Variants in PAK3 observed in about 807,000 individuals in gnomAD.
The protein encoded by PAK3 is serine/threonine-protein kinase PAK 3.
In PAK3, 4 loss-of-function variants were observed where a neutral mutation model predicts 41.0. The ratio of observed to expected loss-of-function variants is 0.10; its 90% CI spans 0.05 to 0.22. The LOEUF is 0.22. Ranked by LOEUF, PAK3 falls within the 10% of genes least tolerant of loss-of-function variation. The pLI, the probability that PAK3 is intolerant of heterozygous loss-of-function variation, is 1.00. For missense variants in PAK3, 205 were observed against 409.9 expected, an observed-to-expected ratio of 0.50 and a Z score of 4.32; for synonymous variants, 146 against 139.6, an observed-to-expected ratio of 1.05 and a Z score of -0.32.
chrX:111,127,531 A>G (rs1464471847), intron 5 of PAK3, among the ~76,000 whole-genome samples: 1 of 111,442 alleles, frequency 9.0e-6, no homozygotes, highest in Non-Finnish European at 1.9e-5. Context: ...TTGGTGTTAG[A>G]GCAATTCAGG....
At chrX:111,018,468 T>A (rs2092123399) in intron 1 of PAK3, among the ~76,000 whole-genome samples, 1 of 110,776 alleles carries the variant, frequency 9.0e-6, no homozygotes, top group African/African-American at 3.3e-5. Context: ...GAAAAGGAAA[T>A]GAAGAAAACG....
intron 1 of PAK3, among the ~76,000 whole-genome samples, chrX:110,995,899 T>C (rs760829696): frequency 3.6e-5 from 4 of 111,702 alleles, no homozygotes; most frequent in African/African-American, 1.3e-4. Context: ...TTGCCCCAAC[T>C]TCCCCATGTT....
At chrX:111,178,976 T>TAGAGAG (rs199904867) in intron 11 of PAK3, among the ~76,000 whole-genome samples, 6 of 96,134 alleles carry the variant, frequency 6.2e-5, no homozygotes, top group African/African-American at 2.5e-4. Flanking sequence ...TATATATATA[T>TAGAGAG]ATATAGAGAG....
intron 5 of PAK3, among the ~76,000 whole-genome samples, chrX:111,131,346 A>G (rs759651648): frequency 9.0e-6 from 1 of 111,585 alleles, no homozygotes; most frequent in Non-Finnish European, 1.9e-5. Flanking sequence ...TTTAATGAAC[A>G]CCTTCCTTTT....
chrX:110,965,901 C>T (rs144043978), intron 1 of PAK3, among the ~76,000 whole-genome samples: 2,842 of 111,437 alleles, frequency 0.026, 85 homozygotes, highest in African/African-American at 0.087. Flanking sequence ...TTAAGTAATT[C>T]GCCCAACGTC....
chrX:111,189,363 T>C (rs766086912), intron 11 of PAK3, among the ~76,000 whole-genome samples: 4 of 111,947 alleles, frequency 3.6e-5, no homozygotes, highest in Non-Finnish European at 7.5e-5. Flanking sequence ...TTTGCTATCA[T>C]GAATAGTGCT....
At chrX:110,959,243 C>T (rs779333546) in intron 1 of PAK3, among the ~76,000 whole-genome samples, 6 of 111,640 alleles carry the variant, frequency 5.4e-5, no homozygotes, top group Non-Finnish European at 1.1e-4. Context: ...CAACTTCACT[C>T]CAATGATTTC....
rs774021734 is a variant in PAK3, at chrX:111,205,859, G to C, written c.1407+9219G>C. ...TGTTTTAATCCTAATATGGTAATTT[G>C]GAAAAGCCCAAAAGAATAAGAGTGC... On this transcript the variant is annotated intron_variant, in intron 16 of 17. Coordinates refer to ENST00000372007, the MANE Select transcript of PAK3 (RefSeq NM_002578.5). Among the ~76,000 whole-genome samples the C allele has an allele frequency of 3.0e-3, 340 of 111,586 alleles. 1 individual carries two copies. Among genetic ancestry groups the C allele is most frequent in the Non-Finnish European group, 4.4e-3 (232 of 53,060 alleles).
chrX:111,010,166 A>C (rs1225964551), intron 1 of PAK3, among the ~76,000 whole-genome samples: 1 of 111,846 alleles, frequency 8.9e-6, no homozygotes, highest in Non-Finnish European at 1.9e-5. Flanking sequence ...GCTCAGATTT[A>C]TGAGTATAAA....
At chrX:111,012,108 A>G (rs189521610) in intron 1 of PAK3, among the ~76,000 whole-genome samples, 6 of 111,580 alleles carry the variant, frequency 5.4e-5, no homozygotes, top group Non-Finnish European at 7.5e-5. Flanking sequence ...CCCTTAACTA[A>G]TTATAATATG....
chrX:111,168,055 A>T (rs2149218552), intron 10 of PAK3, among the ~76,000 whole-genome samples: 1 of 110,977 alleles, frequency 9.0e-6, no homozygotes, highest in South Asian at 3.9e-4. Flanking sequence ...TCACCCTCAT[A>T]TAGAACTGAT....
chrX:111,041,090 C>T lies in PAK3; in HGVS notation c.-27-81987C>T, dbSNP rs1425665824. 2.7e-5 allele frequency among the ~76,000 whole-genome samples: 3 copies of T among 112,821 alleles called. No homozygotes were observed. The East Asian group carries it at 8.4e-4, about 32-fold the overall frequency. On this transcript the variant is annotated intron_variant, in intron 1 of 14. Transcript: ENST00000425146. Reference sequence around the variant, plus strand: ...ATTCAACACATACACTCCTGGCTGACGCATTTGCCACTTTCTTCAAATATT... The same window carrying T: ...ATTCAACACATACACTCCTGGCTGATGCATTTGCCACTTTCTTCAAATATT...
At chrX:111,170,447 G>A (rs2149231840) in intron 10 of PAK3, among the ~76,000 whole-genome samples, 1 of 110,883 alleles carries the variant, frequency 9.0e-6, no homozygotes, top group South Asian at 3.9e-4. Context: ...ATCTACTGCT[G>A]TTAGGTCTAA....
chrX:111,017,843 T>C, intron 1 of PAK3, among the ~76,000 whole-genome samples: 1 of 111,487 alleles, frequency 9.0e-6, no homozygotes, highest in Non-Finnish European at 1.9e-5. Flanking sequence ...AGCAAAATAC[T>C]AGCAAATAGA....
intron 1 of PAK3, among the ~76,000 whole-genome samples, chrX:110,945,132 T>A (rs1339026226): frequency 1.8e-5 from 2 of 112,144 alleles, no homozygotes; most frequent in Admixed American, 1.9e-4. Context: ...GGACACTCCC[T>A]GTATGTGACT....
At chrX:111,143,679 AC>A (rs1251422451) in intron 6 of PAK3, among the ~76,000 whole-genome samples, 6 of 110,787 alleles carry the variant, frequency 5.4e-5, no homozygotes, top group Admixed American at 9.6e-5. Context: ...AACCTGAAAA[AC>A]GTTCTATTTT....
chrX:111,064,904 T>A (rs1338648894), intron 1 of PAK3, among the ~76,000 whole-genome samples: 1 of 112,693 alleles, frequency 8.9e-6, no homozygotes, highest in African/African-American at 3.2e-5. Context: ...TAATTTACAC[T>A]CCCACCAGCA....
rs368119764 is a variant in PAK3, at chrX:111,061,821, G to GT, written c.-27-61246dup. On this transcript the variant is annotated intron_variant, in intron 1 of 14. Transcript: ENST00000425146. Reference sequence around the variant, plus strand: ...TTGTGAACCTTATACTCAGTCACTTGTTTTTTTTTTAGAGACAGGGTCTTG... The same window carrying GT: ...TTGTGAACCTTATACTCAGTCACTTGTTTTTTTTTTTAGAGACAGGGTCTTG... Among the ~76,000 whole-genome samples, 325 of 104,286 alleles carry GT rather than the reference G, an allele frequency of 3.1e-3. 2 individuals carry two copies. In the East Asian group the frequency reaches 0.036, roughly 11 times the overall value. 90.6% of individuals were successfully genotyped at this position (104,286 alleles called of 115,157 possible).
chrX:110,973,071 A>G (rs1464768697), intron 1 of PAK3, among the ~76,000 whole-genome samples: 1 of 112,048 alleles, frequency 8.9e-6, no homozygotes, highest in Non-Finnish European at 1.9e-5. Context: ...ATGTGAAAAG[A>G]CCAAATCTAA....
Sources: gnomAD v4.1 joint callset for allele counts (sites outside exome capture counted in the v4.1 genomes callset) on GRCh38, gnomAD v4.1.1 for gene constraint, MANE v1.5 for transcripts, NCBI Gene and HGNC (gene_info 2026-07-23, HGNC 2026-07-21) for gene names.